The following TOX variants were observed in gnomAD, a reference collection of about 807,000 sequenced individuals.
TOX encodes the protein thymocyte selection associated high mobility group box.
TOX carries 11 observed loss-of-function variants against 53.7 expected under a neutral mutation model. The ratio of observed to expected loss-of-function variants is 0.20; its 90% CI spans 0.13 to 0.34. TOX has a LOEUF of 0.34. TOX is among the 10% of genes least tolerant of loss of function. The pLI, the probability that TOX is intolerant of heterozygous loss-of-function variation, is 1.00. For synonymous variants in TOX, 225 were observed against 245.3 expected, an observed-to-expected ratio of 0.92 and a Z score of 0.77; for missense variants, 570 against 664.6, an observed-to-expected ratio of 0.86 and a Z score of 1.56.
intron 1 of TOX, among the ~76,000 whole-genome samples, chr8:59,105,549 A>G (rs1804885670): frequency 6.6e-6 from 1 of 152,162 alleles, no homozygotes; most frequent in Non-Finnish European, 1.5e-5. Context: ...GGTACTGCAT[A>G]CTATATGAAG....
intron 3 of TOX, among the ~76,000 whole-genome samples, chr8:58,903,135 T>C (rs1352496877): frequency 6.6e-6 from 1 of 152,218 alleles, no homozygotes; most frequent in East Asian, 1.9e-4. Flanking sequence ...TTTCAAGCAC[T>C]GATCACAGAA....
At chr8:58,908,370 G>C (rs1329438817) in intron 3 of TOX, among the ~76,000 whole-genome samples, 1 of 152,136 alleles carries the variant, frequency 6.6e-6, no homozygotes, top group Non-Finnish European at 1.5e-5. Context: ...CGCCTTTCCT[G>C]TCATGCACCT....
intron 1 of TOX, among the ~76,000 whole-genome samples, chr8:58,994,962 T>A (rs914908238): frequency 1.3e-5 from 2 of 152,244 alleles, no homozygotes; most frequent in Non-Finnish European, 2.9e-5. Flanking sequence ...ATCATCCATC[T>A]TACATCATTG....
chr8:59,053,077 T>A (rs1174988857), intron 1 of TOX, among the ~76,000 whole-genome samples: 1 of 152,196 alleles, frequency 6.6e-6, no homozygotes, highest in Non-Finnish European at 1.5e-5. Context: ...TGACATTTCT[T>A]GGATGAAAAG....
chr8:59,007,729 A>G (rs1563416383), intron 1 of TOX, among the ~76,000 whole-genome samples: 2 of 152,354 alleles, frequency 1.3e-5, no homozygotes, highest in South Asian at 4.1e-4. Context: ...GGTAAATATT[A>G]TGAATGATTC....
chr8:58,919,041 C>G (rs1051075720), intron 3 of TOX, among the ~76,000 whole-genome samples: 1 of 143,606 alleles, frequency 7.0e-6, no homozygotes, highest in African/African-American at 2.6e-5. Context: ...AACCACTGCT[C>G]AAGGAAATAA....
intron 1 of TOX, among the ~76,000 whole-genome samples, chr8:59,100,870 T>G (rs756206505): frequency 3.9e-5 from 6 of 152,192 alleles, no homozygotes; most frequent in Non-Finnish European, 7.3e-5. Context: ...TATTTTTGAA[T>G]GATACCTAGT....
chr8:59,071,583 A>G (rs1804197982), intron 1 of TOX, among the ~76,000 whole-genome samples: 1 of 152,242 alleles, frequency 6.6e-6, no homozygotes, highest in Non-Finnish European at 1.5e-5. Flanking sequence ...TTTTAGAATT[A>G]AGAGATAGCC....
chr8:58,868,182 C>T (rs1811134834), intron 3 of TOX, among the ~76,000 whole-genome samples: 2 of 152,148 alleles, frequency 1.3e-5, no homozygotes, highest in Non-Finnish European at 2.9e-5. Context: ...GTAAGACATG[C>T]AATTGCTCCT....
At chr8:59,052,839 GA>G (rs532712949) in intron 1 of TOX, among the ~76,000 whole-genome samples, 203 of 152,060 alleles carry the variant, frequency 1.3e-3, no homozygotes, top group African/African-American at 4.0e-3. Context: ...AAAGTTCTTA[GA>G]AAAAAACCTG....
chr8:58,877,030 A>G lies in TOX; in HGVS notation c.412-25225T>C, dbSNP rs545311867. ...AGTGAAATGATGTAGAATTAAAAGC[A>G]TCACAAAGGCTGCTAAAATATTTAT... On this transcript the variant is annotated intron_variant, in intron 3 of 8. Transcript: ENST00000361421. 6.6e-5 allele frequency among the ~76,000 whole-genome samples: 10 copies of G among 152,364 alleles called. No homozygotes were observed. In the South Asian group the frequency reaches 1.9e-3, roughly 28 times the overall value.
intron 8 of TOX, 37 bp downstream of exon 8, chr8:58,808,081 G>A (rs769213355): frequency 6.3e-7 from 1 of 1,589,556 alleles, no homozygotes; most frequent in Non-Finnish European, 8.6e-7. Context: ...TGCTATGAGC[G>A]CTGTCCACCA....
chr8:59,069,475 A>T (rs563681777), intron 1 of TOX, among the ~76,000 whole-genome samples: 3 of 152,192 alleles, frequency 2.0e-5, no homozygotes, highest in Non-Finnish European at 4.4e-5. Flanking sequence ...AATGAAAGAA[A>T]TCTCCATTGA....
chr8:58,997,181 T>G (rs754693769), intron 1 of TOX, among the ~76,000 whole-genome samples: 6 of 152,158 alleles, frequency 3.9e-5, no homozygotes, highest in Non-Finnish European at 8.8e-5. Context: ...CAGGTAGACA[T>G]CAGAAAGCTG....
chr8:59,117,268 A>G lies in TOX; in HGVS notation c.102+1618T>C, dbSNP rs1213064202. On this transcript the variant is annotated intron_variant, in intron 1 of 8. Transcript: ENST00000361421. This position sits in a 1 kb window ranked among gnomAD's most constrained non-coding sequence, Gnocchi z 4.6. Reference sequence around the variant, plus strand: ...TAACACAATACTTGAGTGTACAGACAAAACAGATTTTAGACTAAAAGAACT... The same window carrying G: ...TAACACAATACTTGAGTGTACAGACGAAACAGATTTTAGACTAAAAGAACT... Among the ~76,000 whole-genome samples the G allele has an allele frequency of 6.6e-6, 1 of 152,254 alleles. No homozygotes were observed. Among genetic ancestry groups the G allele is most frequent in the African/African-American group, 2.4e-5 (1 of 41,464 alleles).
chr8:58,826,723 G>A, intron 6 of TOX, 99 bp downstream of exon 6: 1 of 993,858 alleles, frequency 1.0e-6, no homozygotes, highest in Non-Finnish European at 1.4e-6. Context: ...AGAAGATTGT[G>A]CAGAATCGTT....
At chr8:58,868,649 G>T (rs751421760) in intron 3 of TOX, among the ~76,000 whole-genome samples, 4 of 151,864 alleles carry the variant, frequency 2.6e-5, no homozygotes, top group Admixed American at 2.6e-4. Context: ...GAAAATAAAG[G>T]TACAACAATA....
intron 1 of TOX, among the ~76,000 whole-genome samples, chr8:59,020,422 T>A (rs1412623979): frequency 6.6e-6 from 1 of 152,198 alleles, no homozygotes; most frequent in Non-Finnish European, 1.5e-5. Context: ...CCTCTCTGCA[T>A]GTCCAAAACT....
intron 1 of TOX, among the ~76,000 whole-genome samples, chr8:59,095,243 G>A (rs185491720): frequency 6.9e-6 from 1 of 144,776 alleles, no homozygotes; most frequent in Admixed American, 7.0e-5. Flanking sequence ...TAAAAGAGTT[G>A]TTTTTTTTTT....
Sources: gnomAD v4.1 joint callset for allele counts (sites outside exome capture counted in the v4.1 genomes callset) on GRCh38, gnomAD v4.1.1 for gene constraint, Gnocchi (gnomAD v3.1) non-coding constraint, MANE v1.5 for transcripts, NCBI Gene and HGNC (gene_info 2026-07-23, HGNC 2026-07-21) for gene names.